The following ZBBX variants were observed in gnomAD, a reference collection of about 807,000 sequenced individuals.
ZBBX encodes the protein zinc finger B-box domain containing, also known as zinc finger B-box domain-containing protein 1.
ZBBX carries 101 observed loss-of-function variants against 108.5 expected under a neutral mutation model. That is an observed-to-expected ratio of 0.93 (90% confidence interval 0.79 to 1.10). The LOEUF (loss-of-function observed/expected upper bound fraction) is 1.10. Among genes scored for constraint, ZBBX ranks in the 50% least tolerant of loss-of-function variants. The pLI is 0.00. For missense variants in ZBBX, 1,009 were observed against 941.4 expected (o/e 1.07, Z -0.94); for synonymous variants, 356 against 323.4 (o/e 1.10, Z -1.08).
chr3:167,336,129 A>C (rs906708672), intron 9 of ZBBX, among the ~76,000 whole-genome samples: 3 of 152,060 alleles, frequency 2.0e-5, no homozygotes, highest in African/African-American at 7.2e-5. Flanking sequence ...TAAAATTATC[A>C]TTCAAATATA....
intron 20 of ZBBX, among the ~76,000 whole-genome samples, chr3:167,273,133 ATC>A (rs1726847780): frequency 6.6e-6 from 1 of 152,180 alleles, no homozygotes; most frequent in Non-Finnish European, 1.5e-5. Context: ...CTTTCTTCTA[ATC>A]AGACTGCCAT....
At chr3:167,358,956 A>C (rs931417117) in intron 8 of ZBBX, among the ~76,000 whole-genome samples, 1 of 150,590 alleles carries the variant, frequency 6.6e-6, no homozygotes, top group Non-Finnish European at 1.5e-5. Flanking sequence ...AAAAAAAAAA[A>C]AAAAAAGAGA....
intron 18 of ZBBX, among the ~76,000 whole-genome samples, chr3:167,297,694 C>CA (rs1329391277): frequency 6.6e-6 from 1 of 151,844 alleles, no homozygotes; most frequent in African/African-American, 2.4e-5. Context: ...AATGAAAAAA[C>CA]AAATAACCCA....
chr3:167,290,724 G>C lies in ZBBX; in HGVS notation c.1880-1741C>G, dbSNP rs144249993. 9.0e-3 allele frequency among the ~76,000 whole-genome samples: 1,371 copies of C among 152,266 alleles called. 28 individuals carry two copies. The highest frequency in any genetic ancestry group is 0.031 in the African/African-American group (1,294 of 41,540). On this transcript the variant is annotated intron_variant, in intron 18 of 21. Transcript: ENST00000675490. ...GAATGAGTTTGACGAATTGACAGAAGTAGGCTTCAGAAGGTGGGTAATAAC... is the reference window on the plus strand; with the variant it reads ...GAATGAGTTTGACGAATTGACAGAACTAGGCTTCAGAAGGTGGGTAATAAC...
the ZBBX span, among the ~76,000 whole-genome samples, chr3:167,199,184 G>T: frequency 6.6e-6 from 1 of 152,186 alleles, no homozygotes; most frequent in Non-Finnish European, 1.5e-5. Flanking sequence ...ACTCAATCCT[G>T]TTGGGGACAT....
At chr3:167,261,557 C>A (rs1042990550) in intron 20 of ZBBX, among the ~76,000 whole-genome samples, 3 of 151,702 alleles carry the variant, frequency 2.0e-5, no homozygotes, top group African/African-American at 7.3e-5. Context: ...AGTTGTGTAC[C>A]TAGAAGGATT....
At chr3:167,178,825 A>G in the ZBBX span, among the ~76,000 whole-genome samples, 1 of 152,150 alleles carries the variant, frequency 6.6e-6, no homozygotes, top group East Asian at 1.9e-4. Flanking sequence ...GGCTCAAAAA[A>G]TTTAAAGTCA....
At chr3:167,369,325 G>T (rs1159015094) in intron 4 of ZBBX, among the ~76,000 whole-genome samples, 1 of 152,124 alleles carries the variant, frequency 6.6e-6, no homozygotes, top group East Asian at 1.9e-4. Flanking sequence ...CTACAATCAA[G>T]CAGTGTGGGC....
the ZBBX span, among the ~76,000 whole-genome samples, chr3:167,199,472 G>A: frequency 3.9e-5 from 6 of 152,256 alleles, no homozygotes; most frequent in East Asian, 7.7e-4. Flanking sequence ...ACATACATAC[G>A]TGGAATTGTA....
intron 18 of ZBBX, among the ~76,000 whole-genome samples, chr3:167,295,524 G>A (rs1731485224): frequency 6.6e-6 from 1 of 151,014 alleles, no homozygotes; most frequent in African/African-American, 2.4e-5. Flanking sequence ...ACTGGGGCCT[G>A]TTGGGGGGTG....
chr3:167,226,617 G>C, the ZBBX span, among the ~76,000 whole-genome samples: 2 of 151,658 alleles, frequency 1.3e-5, no homozygotes, highest in Non-Finnish European at 3.0e-5. Context: ...AAAATTCCAA[G>C]CTCAATCTTG....
intron 12 of ZBBX, among the ~76,000 whole-genome samples, chr3:167,321,096 A>G (rs943620888): frequency 6.6e-6 from 1 of 151,992 alleles, no homozygotes; most frequent in Admixed American, 6.6e-5. Flanking sequence ...TTTATGTAAG[A>G]TGTTACCATT....
intron 20 of ZBBX, among the ~76,000 whole-genome samples, chr3:167,278,956 C>G (rs1728225441): frequency 3.3e-5 from 5 of 152,134 alleles, no homozygotes; most frequent in African/African-American, 1.2e-4. Flanking sequence ...ATGTGCAAAT[C>G]AATAAATGTA....
chr3:167,271,967 C>A (rs189655209), intron 20 of ZBBX, among the ~76,000 whole-genome samples: 1 of 152,298 alleles, frequency 6.6e-6, no homozygotes, highest in Admixed American at 6.5e-5. Flanking sequence ...GAACCCATTT[C>A]ACAGCACACA....
At chr3:167,373,154 TA>T (rs1250683981) in intron 3 of ZBBX, among the ~76,000 whole-genome samples, 1 of 152,120 alleles carries the variant, frequency 6.6e-6, no homozygotes, top group Non-Finnish European at 1.5e-5. Flanking sequence ...AATATTAGAA[TA>T]AAAAATACAA....
rs766168284 is a variant in ZBBX at position 167,282,407 on chromosome 3, A to G, written c.2085T>C (p.Pro695=). 31 of 1,614,148 alleles carry G rather than the reference A, an allele frequency of 1.9e-5. 2 individuals carry two copies. In the South Asian group the frequency reaches 3.1e-4, roughly 16 times the overall value. The change falls in exon 20 of 22, where the codon CCT becomes CCC. Residue 695 remains proline, a synonymous_variant. Coordinates refer to ENST00000675490, the MANE Select transcript of ZBBX (RefSeq NM_001199201.2). The part of the protein sequence containing the change: ...ESSSCLSSSH[P]RSRSAAAQSS... The stretch of plus-strand genomic sequence containing the variant: ...ATTGAGCAGCTGCACTTCTTGATCG[A>G]GGATGAGAGGATGAAAGGCAACTGG...
chr3:167,397,276 C>A lies in ZBBX; in HGVS notation c.-446+10450G>T, dbSNP rs567111189. Among the ~76,000 whole-genome samples, 5 of 151,368 alleles carry A rather than the reference C, an allele frequency of 3.3e-5. No homozygotes were observed. In the East Asian group the frequency reaches 7.8e-4, roughly 24 times the overall value. Reference sequence around the variant, plus strand: ...CTTACAGCCATCAATTGACTTGCTACGTTTTGTTTGAATGAAGAACCCCAC... The same window carrying A: ...CTTACAGCCATCAATTGACTTGCTAAGTTTTGTTTGAATGAAGAACCCCAC... On this transcript the variant is annotated intron_variant, in intron 1 of 21. Coordinates refer to the ZBBX transcript ENST00000455345.
At chr3:167,365,095 G>C (rs188146782) in intron 6 of ZBBX, among the ~76,000 whole-genome samples, 1 of 151,520 alleles carries the variant, frequency 6.6e-6, no homozygotes, top group Non-Finnish European at 1.5e-5. Context: ...AAACGTTGGG[G>C]TCAAAACTTT....
Position 167,240,895 on chromosome 3 carries a change from A to T in ZBBX, c.2418T>A (p.Ile806=), listed in dbSNP as rs1720547447. Residue 806 remains isoleucine, a synonymous_variant, in exon 22 of 22, where the codon ATT becomes ATA. Coordinates refer to ENST00000675490, the MANE Select transcript of ZBBX (RefSeq NM_001199201.2). ...ELSCSGRDTK[I]QSLLSLSESS... ...TCTCAGAAAGTGACAGCAAAGACTGAATTTTGGTATCTCTTCCAGAACAGC... is the reference window on the plus strand; with the variant it reads ...TCTCAGAAAGTGACAGCAAAGACTGTATTTTGGTATCTCTTCCAGAACAGC... The T allele has an allele frequency of 6.2e-7, 1 of 1,613,274 alleles. No homozygotes were observed. Among genetic ancestry groups the T allele is most frequent in the Non-Finnish European group, 8.5e-7 (1 of 1,179,484 alleles).
Sources: allele counts gnomAD v4.1 joint callset (sites outside exome capture counted in the v4.1 genomes callset), GRCh38; gene constraint gnomAD v4.1.1; transcripts MANE v1.5; gene names NCBI Gene and HGNC (gene_info 2026-07-23, HGNC 2026-07-21).